Variants in MYO1E observed in about 807,000 individuals in gnomAD.
The protein encoded by MYO1E is unconventional myosin-Ie.
Under a neutral mutation model 151.1 loss-of-function variants are expected in MYO1E, and 68 were observed. That is an observed-to-expected ratio of 0.45 (90% confidence interval 0.37 to 0.55). MYO1E has a LOEUF of 0.55. MYO1E is among the 20% of genes least tolerant of loss of function. The pLI is 0.00. For missense variants in MYO1E, 1,363 were observed against 1,389.3 expected, an observed-to-expected ratio of 0.98 and a Z score of 0.30; for synonymous variants, 601 against 501.7, an observed-to-expected ratio of 1.20 and a Z score of -2.64.
chr15:59,137,525 G>A (rs965566087), intron 27 of MYO1E, 69 bp from the exon 28 acceptor site: 22 of 1,198,812 alleles, frequency 1.8e-5, no homozygotes, highest in Admixed American at 6.7e-5. Context: ...CACACACTCC[G>A]CTCCCATGGG....
chr15:59,292,525 T>C (rs1466075985), intron 1 of MYO1E, among the ~76,000 whole-genome samples: 1 of 152,232 alleles, frequency 6.6e-6, no homozygotes, highest in Non-Finnish European at 1.5e-5. Flanking sequence ...ATGGGAGGCC[T>C]AAAACAATGT....
intron 24 of MYO1E, among the ~76,000 whole-genome samples, chr15:59,158,882 G>A: frequency 6.6e-6 from 1 of 152,152 alleles, no homozygotes; most frequent in Admixed American, 6.5e-5. Context: ...AGGAGAAGCA[G>A]ACTTGTACCC....
intron 25 of MYO1E, 50 bp downstream of exon 25, chr15:59,158,232 ATAAGT>A: frequency 7.1e-7 from 1 of 1,402,266 alleles, no homozygotes; most frequent in Non-Finnish European, 9.9e-7. Context: ...AACATATTTT[ATAAGT>A]TATGGGTCCA....
At chr15:59,167,073 GC>G (rs1317854208) in intron 22 of MYO1E, among the ~76,000 whole-genome samples, 1 of 152,142 alleles carries the variant, frequency 6.6e-6, no homozygotes, top group Non-Finnish European at 1.5e-5. Context: ...ACAGACCATA[GC>G]AAGTCAAGAT....
intron 17 of MYO1E, among the ~76,000 whole-genome samples, chr15:59,190,434 C>T (rs1596358259): frequency 1.3e-5 from 2 of 152,210 alleles, no homozygotes; most frequent in African/African-American, 4.8e-5. Flanking sequence ...CAGCTGTCTT[C>T]CCAGTAAGGC....
At chr15:59,279,621 C>T (rs1172202172) in intron 1 of MYO1E, among the ~76,000 whole-genome samples, 1 of 152,184 alleles carries the variant, frequency 6.6e-6, no homozygotes, top group Non-Finnish European at 1.5e-5. Context: ...CCCTGGGCCA[C>T]TGGGAAGATC....
intron 1 of MYO1E, among the ~76,000 whole-genome samples, chr15:59,326,684 C>T (rs1746215036): frequency 1.3e-5 from 2 of 152,124 alleles, no homozygotes; most frequent in Non-Finnish European, 2.9e-5. Flanking sequence ...CATGATTTTA[C>T]CATTCCATTT....
At chr15:59,184,713 A>G (rs2079685490) in intron 18 of MYO1E, among the ~76,000 whole-genome samples, 1 of 152,186 alleles carries the variant, frequency 6.6e-6, no homozygotes, top group African/African-American at 2.4e-5. Flanking sequence ...GCTTACTTCC[A>G]AATCTTGGCT....
intron 4 of MYO1E, among the ~76,000 whole-genome samples, chr15:59,248,329 C>T (rs1226601029): frequency 2.0e-5 from 3 of 150,164 alleles, no homozygotes; most frequent in African/African-American, 7.3e-5. Flanking sequence ...ACTAAAAATA[C>T]AAAAAAATTA....
At chr15:59,234,395 C>T (rs191873788) in intron 5 of MYO1E, among the ~76,000 whole-genome samples, 44 of 152,134 alleles carry the variant, frequency 2.9e-4, no homozygotes, top group Non-Finnish European at 5.1e-4. Context: ...CAGAAGCTGT[C>T]GTTAAATGGT....
chr15:59,300,612 A>G (rs2080476219), intron 1 of MYO1E, among the ~76,000 whole-genome samples: 1 of 152,144 alleles, frequency 6.6e-6, no homozygotes, highest in African/African-American at 2.4e-5. Flanking sequence ...TGTAAAAGGA[A>G]GCTGAACGCT....
intron 9 of MYO1E, among the ~76,000 whole-genome samples, chr15:59,221,656 G>A (rs891507766): frequency 7.2e-5 from 11 of 152,094 alleles, no homozygotes; most frequent in African/African-American, 2.2e-4. Context: ...TGCCTCCATC[G>A]CCTCTAGTCA....
chr15:59,196,126 T>C (rs532996101), intron 16 of MYO1E, among the ~76,000 whole-genome samples: 1 of 152,212 alleles, frequency 6.6e-6, no homozygotes, highest in Non-Finnish European at 1.5e-5. Flanking sequence ...TATAAACTTT[T>C]GATATTCCAT....
chr15:59,337,053 T>C (rs1469853485), intron 1 of MYO1E, among the ~76,000 whole-genome samples: 1 of 152,176 alleles, frequency 6.6e-6, no homozygotes, highest in South Asian at 2.1e-4. Flanking sequence ...GCTTATATAA[T>C]ACCTCCTTGC....
intron 1 of MYO1E, among the ~76,000 whole-genome samples, chr15:59,313,012 C>A (rs1335274029): frequency 2.0e-5 from 3 of 152,164 alleles, no homozygotes; most frequent in African/African-American, 7.2e-5. Flanking sequence ...TGGGCCCCAC[C>A]CTAAACCTGC....
intron 18 of MYO1E, among the ~76,000 whole-genome samples, chr15:59,183,875 A>C (rs111607788): frequency 3.4e-4 from 52 of 151,940 alleles, no homozygotes; most frequent in African/African-American, 1.2e-3. Flanking sequence ...TTTATTCTCT[A>C]TCTTGATGAG....
At chr15:59,213,170 TTA>T (rs2079891462) in intron 12 of MYO1E, among the ~76,000 whole-genome samples, 1 of 147,352 alleles carries the variant, frequency 6.8e-6, no homozygotes, top group African/African-American at 2.5e-5. Flanking sequence ...ATTATTATTA[TTA>T]TTATTATTAT....
chr15:59,351,143 C>T (rs1245172075), intron 1 of MYO1E, among the ~76,000 whole-genome samples: 1 of 152,184 alleles, frequency 6.6e-6, no homozygotes, highest in Non-Finnish European at 1.5e-5. Flanking sequence ...TCGTGATCGG[C>T]CCACCTCGGC....
intron 22 of MYO1E, among the ~76,000 whole-genome samples, chr15:59,165,356 A>G (rs1297416728): frequency 7.9e-5 from 12 of 152,196 alleles, no homozygotes; most frequent in African/African-American, 2.7e-4. Flanking sequence ...AAGAGCAGCC[A>G]AAGAGTTTCC....
Sources: allele counts gnomAD v4.1 joint callset (sites outside exome capture counted in the v4.1 genomes callset), GRCh38; gene constraint gnomAD v4.1.1; transcripts MANE v1.5; gene names NCBI Gene and HGNC (gene_info 2026-07-23, HGNC 2026-07-21).